The following DMTN variants were observed in gnomAD, a reference collection of about 807,000 sequenced individuals.
DMTN encodes dematin actin binding protein.
DMTN carries 27 observed loss-of-function variants against 59.4 expected under a neutral mutation model. That is an observed-to-expected ratio of 0.45 (90% confidence interval 0.33 to 0.63). The LOEUF is 0.63. DMTN is among the 20% of genes least tolerant of loss of function. The pLI is 0.02. For missense variants in DMTN, 451 were observed against 528.9 expected (o/e 0.85, Z 1.45); for synonymous variants, 221 against 203.7 (o/e 1.08, Z -0.72).
At chr8:22,077,284 G>A (rs1380514152) in intron 10 of DMTN, among the ~76,000 whole-genome samples, 1 of 152,144 alleles carries the variant, frequency 6.6e-6, no homozygotes, top group East Asian at 1.9e-4. Context: ...GGATGGAGCT[G>A]AGCCAAAGCC....
chr8:22,066,144 C>T lies in DMTN; in HGVS notation c.-171-561C>T, dbSNP rs147473507. Among the ~76,000 whole-genome samples the T allele has an allele frequency of 1.2e-3, 183 of 152,294 alleles. 1 individual carries two copies. In the East Asian group the frequency reaches 0.032, roughly 27 times the overall value. ...CTGGCGTGAGCCACTTATGCCCGAC[C>T]TATGCAGTGTTTTAAAAATAATTTT... On this transcript the variant is annotated intron_variant, in intron 1 of 15. Coordinates refer to ENST00000358242, the MANE Select transcript of DMTN (RefSeq NM_001387751.1).
rs776660822 is a variant in DMTN at position 22,081,756 on chromosome 8, AG to A, written c.*296del. 2.6e-5 allele frequency: 14 copies of A among 531,360 alleles called. No individual in the cohort carries two copies. Among genetic ancestry groups the A allele is most frequent in the South Asian group, 2.4e-4 (14 of 58,482 alleles). The allele number at this position is 531,360 out of a possible 1,614,324, so 32.9% of individuals were successfully genotyped here. ...GCCCTCTCCCTGCCCCTCACCCCAG[AG>A]GGTGAGGAGGAATGAGGGGCATTGG... On this transcript the variant is annotated 3_prime_UTR_variant, in exon 16 of 16. Transcript: ENST00000358242.
chr8:22,074,310 G>A (rs1417849605), intron 10 of DMTN, among the ~76,000 whole-genome samples: 1 of 152,172 alleles, frequency 6.6e-6, no homozygotes, highest in Non-Finnish European at 1.5e-5. Flanking sequence ...GCCTTGCTCT[G>A]TTGCCCAGGC....
At chr8:22,076,679 A>G (rs750913246) in intron 10 of DMTN, among the ~76,000 whole-genome samples, 29 of 152,180 alleles carry the variant, frequency 1.9e-4, no homozygotes, top group Admixed American at 9.8e-4. Flanking sequence ...AGTGACATAT[A>G]TATATAGTGA....
intron 12 of DMTN, 69 bp from the exon 13 acceptor site, chr8:22,080,549 G>C: frequency 1.2e-6 from 2 of 1,613,716 alleles, no homozygotes; most frequent in Non-Finnish European, 1.7e-6. Context: ...GCAGGGGTCT[G>C]GTGAGGTCAG....
intron 10 of DMTN, among the ~76,000 whole-genome samples, chr8:22,077,749 T>C (rs1820849109): frequency 6.6e-6 from 1 of 152,210 alleles, no homozygotes; most frequent in Admixed American, 6.5e-5. Context: ...GTTACTGTCA[T>C]ATTTAAACAA....
At chr8:22,078,189 A>G (rs1022088664) in intron 10 of DMTN, among the ~76,000 whole-genome samples, 1 of 151,684 alleles carries the variant, frequency 6.6e-6, no homozygotes, top group Non-Finnish European at 1.5e-5. Flanking sequence ...ACATGGTGAA[A>G]CCCTGTCTCT....
intron 10 of DMTN, 55 bp from the exon 11 acceptor site, chr8:22,080,125 G>A (rs1823158027): frequency 1.2e-6 from 2 of 1,606,650 alleles, no homozygotes; most frequent in Non-Finnish European, 1.7e-6. Flanking sequence ...TGCTGTCTCA[G>A]GAAGGGCTGT....
Position 22,069,072 on chromosome 8 carries a change from C to G in DMTN, c.294+12C>G. ...CACCATCCCCAGAGGTGAGTCTGCC[C>G]CACACCTGCAACTTGCCCTGCCCTG... On this transcript the variant is annotated intron_variant, in intron 5 of 15. Transcript: ENST00000358242. 1 of 1,610,864 alleles carries G rather than the reference C, an allele frequency of 6.2e-7. No individual in the cohort carries two copies. The highest frequency in any genetic ancestry group is 8.5e-7 in the Non-Finnish European group (1 of 1,178,390).
At chr8:22,068,874 G>A (rs528409694) in intron 4 of DMTN, 142 bp from the exon 5 acceptor site, 3 of 960,614 alleles carry the variant, frequency 3.1e-6, no homozygotes, top group East Asian at 4.9e-5. Context: ...CTGTGGGAAG[G>A]ATCCAAGAAA....
rs955717199 is a variant in DMTN at position 22,058,498 on chromosome 8, G to T, written c.-172+1362G>T. Among the ~76,000 whole-genome samples, 1 of 152,174 alleles carries T rather than the reference G, an allele frequency of 6.6e-6. No individual in the cohort carries two copies. Among genetic ancestry groups the T allele is most frequent in the Non-Finnish European group, 1.5e-5 (1 of 68,014 alleles). The stretch of plus-strand genomic sequence containing the variant: ...TCTCTTCAGAGGGTGGGTGGAGAGG[G>T]CACATAGAAACCAAACCAGAGAGAG... On this transcript the variant is annotated intron_variant, in intron 1 of 15. Coordinates refer to ENST00000358242, the MANE Select transcript of DMTN (RefSeq NM_001387751.1). The surrounding 1 kb of genome is among the most constrained non-coding windows in gnomAD (Gnocchi z 4.3).
intron 10 of DMTN, among the ~76,000 whole-genome samples, chr8:22,076,991 C>T (rs574459024): frequency 5.3e-5 from 8 of 151,978 alleles, no homozygotes; most frequent in Non-Finnish European, 1.2e-4. Flanking sequence ...GGAGGAGAAA[C>T]GTGCGAGGCT....
At chr8:22,072,695 G>C (rs1273323742) in intron 9 of DMTN, among the ~76,000 whole-genome samples, 1 of 144,418 alleles carries the variant, frequency 6.9e-6, no homozygotes, top group Non-Finnish European at 1.5e-5. Flanking sequence ...GGCTGGTCTC[G>C]AACTCCTGAC....
chr8:22,067,328 C>T (rs1348608801), intron 3 of DMTN, among the ~76,000 whole-genome samples, 169 bp downstream of exon 3: 1 of 152,204 alleles, frequency 6.6e-6, no homozygotes, highest in Non-Finnish European at 1.5e-5. Context: ...CCCCCTTCCA[C>T]TGGTCTGGCC....
At chr8:22,059,368 A>T (rs1299745607) in intron 1 of DMTN, 1 of 152,200 alleles carries the variant, frequency 6.6e-6, no homozygotes, top group Non-Finnish European at 1.5e-5. Flanking sequence ...TACTGTCTGC[A>T]CCAGCCGGCC....
At chr8:22,054,454 C>T (rs1404372334), upstream of DMTN, among the ~76,000 whole-genome samples, 1 of 152,114 alleles carries the variant, frequency 6.6e-6, no homozygotes, top group Non-Finnish European at 1.5e-5. Flanking sequence ...GGTGTGGGGC[C>T]CGCAGCCGCG....
intron 8 of DMTN, among the ~76,000 whole-genome samples, chr8:22,070,648 G>T (rs1407268357): frequency 1.3e-5 from 2 of 152,218 alleles, no homozygotes; most frequent in Non-Finnish European, 2.9e-5. Flanking sequence ...AAAGATAAAT[G>T]ATAGATGGTT....
intron 1 of DMTN, among the ~76,000 whole-genome samples, chr8:22,065,813 C>A (rs113135656): frequency 0.025 from 3,440 of 136,240 alleles, 48 homozygotes; most frequent in Middle Eastern, 0.042. Flanking sequence ...CCGGCCTGGG[C>A]GACAGAGCAA....
At chr8:22,080,039 G>C in intron 10 of DMTN, 141 bp from the exon 11 acceptor site, 2 of 860,108 alleles carry the variant, frequency 2.3e-6, no homozygotes, top group South Asian at 3.1e-5. Flanking sequence ...GGAGCTGGGA[G>C]CTAGCAGAAG....
Sources: gnomAD v4.1 joint callset for allele counts (sites outside exome capture counted in the v4.1 genomes callset) on GRCh38, gnomAD v4.1.1 for gene constraint, Gnocchi (gnomAD v3.1) non-coding constraint, MANE v1.5 for transcripts, NCBI Gene and HGNC (gene_info 2026-07-23, HGNC 2026-07-21) for gene names.